Variants in CPA6 observed in about 807,000 individuals in gnomAD.
CPA6 encodes the protein carboxypeptidase A6.
A neutral mutation model predicts 63.3 loss-of-function variants in CPA6; 58 were observed. The observed-to-expected ratio is 0.92, with a 90% CI of 0.74 to 1.14. The LOEUF (loss-of-function observed/expected upper bound fraction) is 1.14. Ranked by LOEUF, CPA6 falls within the 50% of genes most tolerant of loss-of-function variation. The pLI is 0.00. For missense variants in CPA6, 565 were observed against 526.6 expected (o/e 1.07, Z -0.71); for synonymous variants, 185 against 179.0 (o/e 1.03, Z -0.27).
intron 2 of CPA6, among the ~76,000 whole-genome samples, chr8:67,610,915 C>A (rs1564023234): frequency 6.6e-6 from 1 of 152,050 alleles, no homozygotes; most frequent in Non-Finnish European, 1.5e-5. Flanking sequence ...TAATGCCAAC[C>A]TGTCTTTAAA....
chr8:67,647,833 C>T (rs1815746805), intron 1 of CPA6, among the ~76,000 whole-genome samples: 1 of 152,098 alleles, frequency 6.6e-6, no homozygotes, highest in Non-Finnish European at 1.5e-5. Flanking sequence ...AGAGTATGTT[C>T]CAGGCCATTA....
chr8:67,437,288 G>T (rs1449433384), intron 8 of CPA6, among the ~76,000 whole-genome samples: 1 of 152,170 alleles, frequency 6.6e-6, no homozygotes, highest in Non-Finnish European at 1.5e-5. Flanking sequence ...CCAGCTACTC[G>T]GTAAGCTGAG....
chr8:67,673,507 CT>C (rs1361223091), intron 1 of CPA6, among the ~76,000 whole-genome samples: 1 of 150,758 alleles, frequency 6.6e-6, no homozygotes, highest in Non-Finnish European at 1.5e-5. Flanking sequence ...CCTCAGCCTC[CT>C]GAGTAGCTGG....
At chr8:67,727,545 C>T (rs1008507891) in intron 1 of CPA6, among the ~76,000 whole-genome samples, 4 of 152,170 alleles carry the variant, frequency 2.6e-5, no homozygotes, top group East Asian at 1.9e-4. Flanking sequence ...CCCTCTCCCT[C>T]GGGCATCTCA....
chr8:67,443,895 A>G (rs1810351692), intron 8 of CPA6, among the ~76,000 whole-genome samples: 3 of 152,178 alleles, frequency 2.0e-5, no homozygotes, highest in Non-Finnish European at 4.4e-5. Context: ...TGGAAGATTA[A>G]CTAATTGGAC....
chr8:67,439,413 C>G (rs1318211600), intron 8 of CPA6, among the ~76,000 whole-genome samples: 1 of 151,508 alleles, frequency 6.6e-6, no homozygotes, highest in African/African-American at 2.4e-5. Flanking sequence ...ATGGTGAAAC[C>G]CTGTTTCTAC....
At chr8:67,458,577 A>G (rs1269573540) in intron 8 of CPA6, among the ~76,000 whole-genome samples, 1 of 152,206 alleles carries the variant, frequency 6.6e-6, no homozygotes. Context: ...AAAATTAAAA[A>G]CTTCTGTTCT....
chr8:67,635,139 C>T (rs1028295379), intron 1 of CPA6, among the ~76,000 whole-genome samples: 14 of 151,538 alleles, frequency 9.2e-5, no homozygotes, highest in Non-Finnish European at 1.5e-4. Flanking sequence ...CCTTCCACCT[C>T]GGCCTCTTAA....
intron 1 of CPA6, among the ~76,000 whole-genome samples, chr8:67,656,938 A>T (rs1815999523): frequency 6.6e-6 from 1 of 152,112 alleles, no homozygotes; most frequent in Admixed American, 6.5e-5. Context: ...CACTTGGGGG[A>T]GCTGAGGCAG....
intron 2 of CPA6, among the ~76,000 whole-genome samples, chr8:67,593,798 C>T (rs2128981583): frequency 6.7e-6 from 1 of 148,192 alleles, no homozygotes; most frequent in East Asian, 2.0e-4. Context: ...AGATGGGTTT[C>T]CTGAATACAG....
At chr8:67,455,532 T>G (rs1199674150) in intron 8 of CPA6, among the ~76,000 whole-genome samples, 3 of 151,844 alleles carry the variant, frequency 2.0e-5, no homozygotes, top group Non-Finnish European at 4.4e-5. Flanking sequence ...GGACTATGCT[T>G]TCATCATCAA....
chr8:67,448,639 G>GAA (rs61317091), intron 8 of CPA6, among the ~76,000 whole-genome samples: 1 of 23,302 alleles, frequency 4.3e-5, no homozygotes, highest in Admixed American at 5.1e-4. Flanking sequence ...CTCAAAAAAG[G>GAA]AAAAAAAAAA....
chr8:67,424,042 T>C (rs985795539), intron 10 of CPA6, among the ~76,000 whole-genome samples: 2 of 152,174 alleles, frequency 1.3e-5, no homozygotes, highest in Non-Finnish European at 2.9e-5. Flanking sequence ...CATAGGAACA[T>C]GAACCCTATC....
chr8:67,480,217 T>A (rs1811329276), intron 8 of CPA6, among the ~76,000 whole-genome samples: 1 of 152,226 alleles, frequency 6.6e-6, no homozygotes, highest in East Asian at 1.9e-4. Flanking sequence ...ATAATTCACA[T>A]ATTATGAAAT....
chr8:67,594,732 AG>A (rs1373177923), intron 2 of CPA6, among the ~76,000 whole-genome samples: 1 of 152,094 alleles, frequency 6.6e-6, no homozygotes, highest in African/African-American at 2.4e-5. Flanking sequence ...CAGCTCCATC[AG>A]CTCCTTTAAG....
intron 8 of CPA6, among the ~76,000 whole-genome samples, chr8:67,437,338 C>G (rs148792391): frequency 6.6e-6 from 1 of 152,068 alleles, no homozygotes; most frequent in African/African-American, 2.4e-5. Flanking sequence ...GAGCTTGTAG[C>G]GAGCGGAGCT....
chr8:67,678,833 A>C (rs1300111959), intron 1 of CPA6, among the ~76,000 whole-genome samples: 4 of 152,236 alleles, frequency 2.6e-5, no homozygotes, highest in Admixed American at 2.6e-4. Flanking sequence ...CCATAGCTTC[A>C]AACTGGATAT....
chr8:67,698,903 G>A (rs1816963011), intron 1 of CPA6, among the ~76,000 whole-genome samples: 1 of 152,150 alleles, frequency 6.6e-6, no homozygotes, highest in African/African-American at 2.4e-5. Flanking sequence ...TTTCCTGAAT[G>A]TGGCTTCAAA....
chr8:67,430,131 A>G lies in CPA6; in HGVS notation c.1042-2000T>C, dbSNP rs910409814. 1.8e-3 allele frequency among the ~76,000 whole-genome samples: 233 copies of G among 128,650 alleles called. 1 individual carries two copies. The highest frequency in any genetic ancestry group is 4.2e-3 in the African/African-American group (141 of 33,862). The allele number at this position is 128,650 out of a possible 152,430, so 84.4% of individuals were successfully genotyped here. On this transcript the variant is annotated intron_variant, in intron 9 of 10. Coordinates refer to ENST00000297770, the MANE Select transcript of CPA6 (RefSeq NM_020361.5). ...TCAGCTAAGTAAATGGTATATATAT[A>G]TGTGTGTGTGTGTGTGTGTGTGTGT...
Sources: allele counts gnomAD v4.1 joint callset (sites outside exome capture counted in the v4.1 genomes callset), GRCh38; gene constraint gnomAD v4.1.1; transcripts MANE v1.5; gene names NCBI Gene and HGNC (gene_info 2026-07-23, HGNC 2026-07-21).